NIPBL: variants seen among roughly 807,000 people sequenced by gnomAD.
NIPBL encodes the protein NIPBL cohesin loading factor.
NIPBL carries 19 observed loss-of-function variants against 321.8 expected under a neutral mutation model. That is an observed-to-expected ratio of 0.06 (90% CI 0.04 to 0.09). NIPBL has a LOEUF of 0.09. NIPBL is among the 10% of genes least tolerant of loss of function. The probability of loss-of-function intolerance (pLI) is 1.00; values close to 1 mark genes in which losing one functional copy is unlikely to be tolerated. For missense variants in NIPBL, 2,210 were observed against 3,327.0 expected (o/e 0.66, Z 8.26); for synonymous variants, 1,106 against 1,114.1 (o/e 0.99, Z 0.14).
At chr5:37,003,017 T>C (rs1315570271) in intron 15 of NIPBL, among the ~76,000 whole-genome samples, 1 of 151,862 alleles carries the variant, frequency 6.6e-6, no homozygotes, top group Non-Finnish European at 1.5e-5. Context: ...AGAGTTTTTT[T>C]TTTTCATTTT....
intron 42 of NIPBL, among the ~76,000 whole-genome samples, chr5:37,054,204 A>G (rs892636755): frequency 1.3e-5 from 2 of 152,002 alleles, no homozygotes; most frequent in African/African-American, 4.8e-5. Context: ...TCAAAAAAAA[A>G]AAAAAAAAAA....
intron 6 of NIPBL, among the ~76,000 whole-genome samples, chr5:36,963,835 G>T (rs543791467): frequency 2.4e-4 from 36 of 152,092 alleles, no homozygotes; most frequent in African/African-American, 8.7e-4. Flanking sequence ...GAGTGTGAGT[G>T]CCAAACATAC....
At chr5:37,019,616 T>C (rs960741726) in intron 25 of NIPBL, among the ~76,000 whole-genome samples, 1 of 152,228 alleles carries the variant, frequency 6.6e-6, no homozygotes, top group Non-Finnish European at 1.5e-5. Flanking sequence ...TGTACTAAAA[T>C]TGTGTGACAA....
At chr5:36,952,070 G>GCGCGCGCA (rs1554010338) in intron 1 of NIPBL, among the ~76,000 whole-genome samples, 3 of 139,226 alleles carry the variant, frequency 2.2e-5, no homozygotes, top group Non-Finnish European at 4.8e-5. Context: ...GCGCGCGCGC[G>GCGCGCGCA]CGCATGTGTG....
chr5:37,013,195 C>T (rs1416361217), intron 21 of NIPBL, among the ~76,000 whole-genome samples: 10 of 150,064 alleles, frequency 6.7e-5, no homozygotes, highest in Non-Finnish European at 1.5e-4. Context: ...CCCTCCCGGA[C>T]GGGGCGGCTG....
At chr5:36,967,203 G>T (rs757684759) in intron 6 of NIPBL, among the ~76,000 whole-genome samples, 11 of 151,926 alleles carry the variant, frequency 7.2e-5, no homozygotes, top group Non-Finnish European at 1.3e-4. Flanking sequence ...ATGAAATTGT[G>T]GTCACCTTAG....
intron 11 of NIPBL, among the ~76,000 whole-genome samples, chr5:36,998,806 T>C (rs1221781268): frequency 2.0e-5 from 3 of 152,142 alleles, no homozygotes; most frequent in Non-Finnish European, 4.4e-5. Context: ...CTTATATTAG[T>C]GTATGAAACA....
chr5:36,920,571 A>G (rs991513088), intron 1 of NIPBL, among the ~76,000 whole-genome samples: 1 of 152,156 alleles, frequency 6.6e-6, no homozygotes, highest in African/African-American at 2.4e-5. Context: ...AATGAAAATT[A>G]TCAGACTTCC....
intron 34 of NIPBL, 63 bp downstream of exon 34, chr5:37,038,801 G>A: frequency 6.6e-7 from 1 of 1,517,832 alleles, no homozygotes; most frequent in Non-Finnish European, 9.0e-7. Flanking sequence ...TAAATTTAGA[G>A]TTCACATGCG....
intron 43 of NIPBL, 41 bp downstream of exon 43, chr5:37,057,373 G>C: frequency 1.3e-6 from 2 of 1,567,908 alleles, no homozygotes; most frequent in Non-Finnish European, 1.8e-6. Context: ...ATCTGTCAAA[G>C]TGCAGGCATG....
chr5:37,040,497 A>G (rs1752215594), intron 34 of NIPBL, among the ~76,000 whole-genome samples: 1 of 152,162 alleles, frequency 6.6e-6, no homozygotes, highest in African/African-American at 2.4e-5. Context: ...TGTTAGGCAT[A>G]TTTGGTAATC....
intron 40 of NIPBL, 132 bp from the exon 41 acceptor site, chr5:37,051,647 A>G (rs1753557400): frequency 3.0e-6 from 2 of 671,532 alleles, no homozygotes; most frequent in Non-Finnish European, 5.3e-6. Context: ...AAAGAACACT[A>G]AAACATAGAC....
intron 6 of NIPBL, among the ~76,000 whole-genome samples, 192 bp downstream of exon 6, chr5:36,962,466 A>C (rs1741734555): frequency 6.6e-6 from 1 of 152,232 alleles, no homozygotes; most frequent in Non-Finnish European, 1.5e-5. Context: ...TTGTCATTTT[A>C]GGAGGTGAAA....
chr5:37,036,366 T>C lies in NIPBL; in HGVS notation c.5863-13T>C, dbSNP rs1177412967. 3.2e-6 allele frequency: 2 copies of C among 620,794 alleles called. No homozygotes were observed. The highest frequency in any genetic ancestry group is 4.7e-6 in the Non-Finnish European group (2 of 427,144). 38.5% of individuals were successfully genotyped at this position (620,794 alleles called of 1,614,324 possible). On this transcript the variant is annotated splice_polypyrimidine_tract_variant and intron_variant, in intron 32 of 46. Transcript: ENST00000282516. Reference sequence around the variant, plus strand: ...ATATATGTATATATATATATATATATATGTATATATAGTTGTTGAAGTCCG... The same window carrying C: ...ATATATGTATATATATATATATATACATGTATATATAGTTGTTGAAGTCCG...
rs1470372208 is a variant in NIPBL, at chr5:37,027,365, G to A, written c.5815G>A (p.Ala1939Thr). ...KILNITDVVA[A>T]CRDTGYDWFE... is the part of the protein sequence containing the mutation. ...TTCTTTTCATCACCCTTAGGTTGCA[G>A]CATGCAGAGATACTGGATATGACTG... Residue 1939 changes from alanine (A) to threonine (T), a missense_variant, in exon 32 of 47, where the codon GCA becomes ACA. Coordinates refer to ENST00000282516, the MANE Select transcript of NIPBL (RefSeq NM_133433.4). The A allele has an allele frequency of 3.1e-6, 5 of 1,611,376 alleles. No individual in the cohort carries two copies. Among genetic ancestry groups the A allele is most frequent in the Admixed American group, 1.7e-5 (1 of 59,994 alleles).
At chr5:36,923,406 T>G (rs754860938) in intron 1 of NIPBL, among the ~76,000 whole-genome samples, 3 of 152,212 alleles carry the variant, frequency 2.0e-5, no homozygotes, top group Non-Finnish European at 4.4e-5. Flanking sequence ...CTTTCATGGA[T>G]AAGTTGAGGA....
chr5:36,929,217 ATTGT>A (rs1749591568), intron 1 of NIPBL, among the ~76,000 whole-genome samples: 7 of 152,110 alleles, frequency 4.6e-5, no homozygotes, highest in African/African-American at 1.7e-4. Context: ...TCATGGTATC[ATTGT>A]GGTTTCAGTG....
chr5:36,948,892 G>A (rs1739976186), intron 1 of NIPBL, among the ~76,000 whole-genome samples: 1 of 151,708 alleles, frequency 6.6e-6, no homozygotes, highest in East Asian at 1.9e-4. Flanking sequence ...ACATGGTGTA[G>A]TATACTGACT....
At chr5:37,027,252 T>C (rs966271132) in intron 31 of NIPBL, 107 bp from the exon 32 acceptor site, 31 of 885,734 alleles carry the variant, frequency 3.5e-5, no homozygotes, top group Non-Finnish European at 5.6e-5. Flanking sequence ...AAATAAACTT[T>C]TGAATTGAGA....
Sources: allele counts gnomAD v4.1 joint callset (sites outside exome capture counted in the v4.1 genomes callset), GRCh38; gene constraint gnomAD v4.1.1; transcripts MANE v1.5; gene names NCBI Gene and HGNC (gene_info 2026-07-23, HGNC 2026-07-21).